Variants in DHRSX observed in about 807,000 individuals in gnomAD.
DHRSX encodes the protein polyprenol dehydrogenase.
A neutral mutation model predicts 34.0 loss-of-function variants in DHRSX; 31 were observed. That is an observed-to-expected ratio of 0.91 (90% CI 0.69 to 1.23). The LOEUF (loss-of-function observed/expected upper bound fraction) is 1.23. Ranked by LOEUF, DHRSX falls within the 50% of genes most tolerant of loss-of-function variation. DHRSX has a pLI of 0.00. For synonymous variants in DHRSX, 201 were observed against 183.8 expected, an observed-to-expected ratio of 1.09 and a Z score of -0.76; for missense variants, 414 against 428.1, an observed-to-expected ratio of 0.97 and a Z score of 0.29.
At chrX:2,225,028 A>G (rs2015616111) in intron 6 of DHRSX, among the ~76,000 whole-genome samples, 1 of 151,286 alleles carries the variant, frequency 6.6e-6, no homozygotes, top group Non-Finnish European at 1.5e-5. Flanking sequence ...ACATGCACAC[A>G]GCTCACATTC....
intron 3 of DHRSX, among the ~76,000 whole-genome samples, chrX:2,389,986 G>A (rs923161570): frequency 1.3e-5 from 2 of 151,878 alleles, no homozygotes; most frequent in East Asian, 1.9e-4. Flanking sequence ...TCGCCATGTC[G>A]GCCACGGTGG....
chrX:2,303,834 T>C (rs2042049319), intron 3 of DHRSX, among the ~76,000 whole-genome samples: 2 of 101,960 alleles, frequency 2.0e-5, no homozygotes, highest in Non-Finnish European at 4.3e-5. Flanking sequence ...GGTGGGTGGA[T>C]GGATGGATGG....
At chrX:2,243,316 A>G in intron 5 of DHRSX, 86 bp from the exon 6 acceptor site, 2 of 1,235,638 alleles carry the variant, frequency 1.6e-6, no homozygotes, top group South Asian at 1.3e-5. Flanking sequence ...ACCTGCGGCC[A>G]CGGCCACGTC....
chrX:2,233,539 CA>C (rs2015946227), intron 6 of DHRSX, among the ~76,000 whole-genome samples: 1 of 152,072 alleles, frequency 6.6e-6, no homozygotes, highest in African/African-American at 2.4e-5. Flanking sequence ...GGTGCAGCAC[CA>C]TTTATGGTAA....
At chrX:2,291,896 A>ATTTTTTT (rs928376249) in intron 3 of DHRSX, among the ~76,000 whole-genome samples, 4 of 96,090 alleles carry the variant, frequency 4.2e-5, no homozygotes, top group Non-Finnish European at 6.3e-5. Flanking sequence ...GTATTTTTGT[A>ATTTTTTT]TTTTTTTTTT....
At chrX:2,419,274 GA>G (rs1463846778) in intron 2 of DHRSX, among the ~76,000 whole-genome samples, 1 of 152,144 alleles carries the variant, frequency 6.6e-6, no homozygotes, top group Non-Finnish European at 1.5e-5. Flanking sequence ...GAGGACACAG[GA>G]GAAAGTGGCC....
intron 3 of DHRSX, among the ~76,000 whole-genome samples, chrX:2,378,798 G>C (rs1227258168): frequency 1.3e-5 from 2 of 151,888 alleles, no homozygotes; most frequent in Admixed American, 6.6e-5. Context: ...AGCCCCCCGA[G>C]TAGCTGGGAT....
intron 1 of DHRSX, among the ~76,000 whole-genome samples, chrX:2,465,114 G>A (rs1169190033): frequency 6.6e-6 from 1 of 151,354 alleles, no homozygotes; most frequent in African/African-American, 2.4e-5. Flanking sequence ...CCCAGGGACA[G>A]CCACCGTGTA....
In DHRSX at chrX:2,220,993, G is replaced by T; in HGVS notation, c.*48C>A. 6.3e-7 allele frequency: 1 copy of T among 1,576,862 alleles called. No homozygotes were observed. Among genetic ancestry groups the T allele is most frequent in the Non-Finnish European group, 8.7e-7 (1 of 1,153,548 alleles). On this transcript the variant is annotated 3_prime_UTR_variant, in exon 7 of 7. Coordinates refer to ENST00000334651, the MANE Select transcript of DHRSX (RefSeq NM_145177.3). ...GTCTTCACAGACCCACAAGCTATTG[G>T]CAGGTGCAATGTGTTTCTTGGGGCA...
intron 5 of DHRSX, among the ~76,000 whole-genome samples, chrX:2,265,915 A>G (rs1279590018): frequency 2.2e-5 from 3 of 138,358 alleles, no homozygotes; most frequent in African/African-American, 2.8e-5. Flanking sequence ...CCAGAGCACC[A>G]GTGCTCGGCA....
intron 1 of DHRSX, chrX:2,488,338 C>T: frequency 2.7e-6 from 1 of 367,880 alleles, no homozygotes; most frequent in Non-Finnish European, 4.8e-6. Flanking sequence ...TCAGTCCTGG[C>T]TAATTTTTGT....
chrX:2,225,718 G>A (rs1268878287), intron 6 of DHRSX, among the ~76,000 whole-genome samples: 2 of 148,642 alleles, frequency 1.3e-5, no homozygotes, highest in African/African-American at 2.5e-5. Flanking sequence ...GACACACACA[G>A]AGGGACAACC....
chrX:2,313,619 G>A (rs35259609), intron 3 of DHRSX, among the ~76,000 whole-genome samples: 66,427 of 151,666 alleles, frequency 0.44, 15,280 homozygotes, highest in Middle Eastern at 0.54. Flanking sequence ...TGCCCACCTC[G>A]GCCTCCCAAA....
intron 6 of DHRSX, among the ~76,000 whole-genome samples, chrX:2,224,126 G>C (rs1310431432): frequency 6.6e-6 from 1 of 152,222 alleles, no homozygotes; most frequent in Non-Finnish European, 1.5e-5. Context: ...AACAAGTTTT[G>C]TGTTGTTGTC....
intron 3 of DHRSX, among the ~76,000 whole-genome samples, chrX:2,341,468 C>T (rs1436191244): frequency 2.6e-5 from 4 of 152,210 alleles, no homozygotes; most frequent in South Asian, 2.1e-4. Context: ...TCTCTGCCTC[C>T]GTCTCCACGT....
chrX:2,454,452 G>A (rs1472502576), intron 1 of DHRSX, among the ~76,000 whole-genome samples: 3 of 151,796 alleles, frequency 2.0e-5, no homozygotes, highest in East Asian at 3.9e-4. Context: ...GCTTCAACCC[G>A]GGAGATGTTG....
chrX:2,256,634 T>C (rs1162251933), intron 5 of DHRSX, among the ~76,000 whole-genome samples: 6 of 152,198 alleles, frequency 3.9e-5, no homozygotes, highest in Non-Finnish European at 5.9e-5. Context: ...TTCTCTCATG[T>C]GTAAAAACTC....
chrX:2,425,123 G>T (rs188436954), intron 2 of DHRSX, 74 bp downstream of exon 2: 1 of 1,179,846 alleles, frequency 8.5e-7, no homozygotes, highest in Non-Finnish European at 1.2e-6. Context: ...ACGGGTTGAC[G>T]GACTGCGATC....
At chrX:2,284,816 C>T (rs1380337836) in intron 4 of DHRSX, among the ~76,000 whole-genome samples, 1 of 152,146 alleles carries the variant, frequency 6.6e-6, no homozygotes, top group African/African-American at 2.4e-5. Context: ...CAGACAGAGG[C>T]AGTCAGGTTC....
Sources: gnomAD v4.1 joint callset for allele counts (sites outside exome capture counted in the v4.1 genomes callset) on GRCh38, gnomAD v4.1.1 for gene constraint, MANE v1.5 for transcripts, NCBI Gene and HGNC (gene_info 2026-07-23, HGNC 2026-07-21) for gene names.